The following GDA variants were observed in gnomAD, a reference collection of about 807,000 sequenced individuals.
GDA encodes guanine deaminase.
Under a neutral mutation model 59.6 loss-of-function variants are expected in GDA, and 18 were observed. That is an observed-to-expected ratio of 0.30 (90% CI 0.21 to 0.45). The LOEUF (loss-of-function observed/expected upper bound fraction) is 0.45. Among genes scored for constraint, GDA ranks in the 20% least tolerant of loss-of-function variants. GDA has a pLI of 1.00. For synonymous variants in GDA, 201 were observed against 201.1 expected (o/e 1.00, Z 0.00); for missense variants, 427 against 552.3 (o/e 0.77, Z 2.27).
chr9:72,184,512 A>G (rs552627976), intron 1 of GDA, among the ~76,000 whole-genome samples: 4 of 152,294 alleles, frequency 2.6e-5, no homozygotes, highest in South Asian at 4.1e-4. Context: ...AAGATTCTCT[A>G]TGTATTTTCG....
intron 1 of GDA, among the ~76,000 whole-genome samples, chr9:72,160,538 C>G (rs181758190): frequency 6.6e-6 from 1 of 152,276 alleles, no homozygotes; most frequent in East Asian, 1.9e-4. Flanking sequence ...TAAAGCTCAT[C>G]CATGTTGTGG....
intron 1 of GDA, among the ~76,000 whole-genome samples, chr9:72,139,442 C>T (rs1382677553): frequency 6.6e-6 from 1 of 152,210 alleles, no homozygotes; most frequent in Non-Finnish European, 1.5e-5. Context: ...TCTTCTAAGT[C>T]ATGGTGACCA....
chr9:72,150,603 G>A (rs1035217982), intron 1 of GDA, among the ~76,000 whole-genome samples: 1 of 152,076 alleles, frequency 6.6e-6, no homozygotes, highest in East Asian at 1.9e-4. Context: ...TATGGAGATG[G>A]GATTTTTTGA....
chr9:72,214,992 C>T (rs1242065495), intron 5 of GDA: 1 of 160,882 alleles, frequency 6.2e-6, no homozygotes, highest in African/African-American at 2.8e-5. Flanking sequence ...CCTTGGCCAC[C>T]CAAAGCACTG....
chr9:72,149,764 G>T, intron 1 of GDA, 82 bp downstream of exon 1: 1 of 1,417,748 alleles, frequency 7.1e-7, no homozygotes. Flanking sequence ...CGCGTAGCCC[G>T]GGGTTCGCTC....
At chr9:72,217,534 C>A (rs752168219) in intron 5 of GDA, among the ~76,000 whole-genome samples, 1 of 152,156 alleles carries the variant, frequency 6.6e-6, no homozygotes, top group Non-Finnish European at 1.5e-5. Context: ...TGGGTTTGTC[C>A]AACTTGAATG....
At chr9:72,158,584 A>T (rs923433398) in intron 1 of GDA, among the ~76,000 whole-genome samples, 2 of 150,222 alleles carry the variant, frequency 1.3e-5, no homozygotes, top group African/African-American at 4.9e-5. Context: ...CAAGAGCGAA[A>T]CTCCGTCTCC....
chr9:72,253,945 A>G (rs561483017), downstream of GDA, among the ~76,000 whole-genome samples: 1 of 152,266 alleles, frequency 6.6e-6, no homozygotes, highest in Non-Finnish European at 1.5e-5. Context: ...CCTAAAACTT[A>G]AAGTATAGTA....
At chr9:72,139,982 G>T (rs1009236977) in intron 1 of GDA, among the ~76,000 whole-genome samples, 10 of 152,038 alleles carry the variant, frequency 6.6e-5, no homozygotes, top group African/African-American at 2.4e-4. Flanking sequence ...TGCTGTTTTT[G>T]CTGCCCAGCA....
intron 1 of GDA, among the ~76,000 whole-genome samples, chr9:72,155,375 G>A (rs1371660493): frequency 1.3e-5 from 2 of 152,180 alleles, no homozygotes; most frequent in East Asian, 1.9e-4. Context: ...CCCACAACAT[G>A]TGGGAATTAG....
intron 3 of GDA, among the ~76,000 whole-genome samples, chr9:72,207,739 A>G (rs886532779): frequency 2.6e-5 from 4 of 152,176 alleles, no homozygotes; most frequent in Non-Finnish European, 5.9e-5. Flanking sequence ...AATATTTGGA[A>G]AAATTGACAG....
intron 5 of GDA, among the ~76,000 whole-genome samples, chr9:72,214,534 T>A (rs1564086420): frequency 6.6e-6 from 1 of 151,644 alleles, no homozygotes; most frequent in Non-Finnish European, 1.5e-5. Context: ...GACCTCGTGA[T>A]CTGCCCGCCT....
In GDA at chr9:72,213,534, T is replaced by C. The variant is rs1262640914; in HGVS notation, c.473-352T>C. Among the ~76,000 whole-genome samples, 6 of 152,162 alleles carry C rather than the reference T, an allele frequency of 3.9e-5. No homozygotes were observed. In the East Asian group the frequency reaches 1.2e-3, roughly 29 times the overall value. On this transcript the variant is annotated intron_variant, in intron 4 of 13. Transcript: ENST00000358399. Reference sequence around the variant, plus strand: ...AAAGTACTGTTTTGGCCGGGCGCGGTGGCTCACGCCTGTAATCCCAGCACT... The same window carrying C: ...AAAGTACTGTTTTGGCCGGGCGCGGCGGCTCACGCCTGTAATCCCAGCACT...
chr9:72,238,970 C>T (rs1039041516), intron 10 of GDA, among the ~76,000 whole-genome samples: 4 of 152,258 alleles, frequency 2.6e-5, no homozygotes, highest in South Asian at 4.1e-4. Flanking sequence ...AAGTTCCATG[C>T]GCACAGTTTA....
At chr9:72,255,259 T>G (rs1477715313), downstream of GDA, among the ~76,000 whole-genome samples, 2 of 152,188 alleles carry the variant, frequency 1.3e-5, no homozygotes, top group Admixed American at 1.3e-4. Context: ...GGCAGTTTGT[T>G]TAGAATTTTC....
At chr9:72,140,553 G>C (rs1336910804) in intron 1 of GDA, among the ~76,000 whole-genome samples, 1 of 152,070 alleles carries the variant, frequency 6.6e-6, no homozygotes, top group African/African-American at 2.4e-5. Flanking sequence ...AGTTTTAGCT[G>C]GTTTTTGATT....
Position 72,213,530 on chromosome 9 carries a change from G to A in GDA, c.473-356G>A, listed in dbSNP as rs1299032850. Among the ~76,000 whole-genome samples the A allele has an allele frequency of 4.6e-5, 7 of 151,898 alleles. No homozygotes were observed. In the South Asian group the frequency reaches 6.2e-4, roughly 14 times the overall value. Reference sequence around the variant, plus strand: ...AGAAAAAGTACTGTTTTGGCCGGGCGCGGTGGCTCACGCCTGTAATCCCAG... The same window carrying A: ...AGAAAAAGTACTGTTTTGGCCGGGCACGGTGGCTCACGCCTGTAATCCCAG... On this transcript the variant is annotated intron_variant, in intron 4 of 13. Coordinates refer to ENST00000358399, the MANE Select transcript of GDA (RefSeq NM_004293.5).
At chr9:72,125,699 G>A (rs62561328) in intron 1 of GDA, among the ~76,000 whole-genome samples, 70,703 of 151,854 alleles carry the variant, frequency 0.47, 18,290 homozygotes, top group Non-Finnish European at 0.58. Context: ...CAGGTCAATG[G>A]CAGAATTGTG....
intron 1 of GDA, among the ~76,000 whole-genome samples, chr9:72,139,618 G>C (rs879676796): frequency 2.0e-5 from 3 of 151,972 alleles, no homozygotes; most frequent in African/African-American, 7.3e-5. Context: ...ACAAGAGTTC[G>C]GGACCAGATT....
Sources: gnomAD v4.1 joint callset for allele counts (sites outside exome capture counted in the v4.1 genomes callset) on GRCh38, gnomAD v4.1.1 for gene constraint, MANE v1.5 for transcripts, NCBI Gene and HGNC (gene_info 2026-07-23, HGNC 2026-07-21) for gene names.